Variants in RIC8B observed in about 807,000 individuals in gnomAD.
RIC8B encodes RIC8 guanine nucleotide exchange factor B, also known as chaperone Ric-8B.
Under a neutral mutation model 57.5 loss-of-function variants are expected in RIC8B, and 16 were observed. That is an observed-to-expected ratio of 0.28 (90% CI 0.19 to 0.42). The LOEUF is 0.42. Ranked by LOEUF, RIC8B falls within the 10% of genes least tolerant of loss-of-function variation. The pLI is 1.00. For synonymous variants in RIC8B, 216 were observed against 250.8 expected (o/e 0.86, Z 1.31); for missense variants, 481 against 677.0 (o/e 0.71, Z 3.21).
chr12:106,885,925 G>A lies in RIC8B; in HGVS notation c.1593G>A (p.Met531Ile). 2 of 1,613,238 alleles carry A rather than the reference G, an allele frequency of 1.2e-6. No individual in the cohort carries two copies. The highest frequency in any genetic ancestry group is 1.7e-6 in the Non-Finnish European group (2 of 1,179,566). ...KLSREELLKP[M>I]GLKPDGTITP... ...CTAGAGAGGAGTTGCTTAAACCAAT[G>A]GGACTAAAACCTGATGGGACAATAA... The change falls in exon 10 of 10, where the codon ATG (methionine) becomes ATA (isoleucine). Residue 531 changes from methionine (M) to isoleucine (I), a missense_variant. Physicochemically the swap from Met to Ile is conservative, Grantham distance 10. This residue lies in a region of RIC8B where 43 missense variants were observed against 99.8 expected (regional missense o/e 0.43). Coordinates refer to ENST00000392837, the MANE Select transcript of RIC8B (RefSeq NM_001330145.2).
At position 106,870,390 on chromosome 12, in the gene RIC8B, CCTCT is replaced by C. The variant is rs533054673; in HGVS notation, c.1452-430_1452-427del. 1.9e-3 allele frequency among the ~76,000 whole-genome samples: 294 copies of C among 152,162 alleles called. 1 individual carries two copies. Among genetic ancestry groups the C allele is most frequent in the African/African-American group, 6.4e-3 (266 of 41,494 alleles). ...GCATGCTTTCATTTCCAGATTGTAG[CCTCT>C]CTGTCATCATTTTTCCAATTTTTTT... On this transcript the variant is annotated intron_variant, in intron 8 of 9. Transcript: ENST00000392837.
rs1430808631 is a variant in RIC8B, at chr12:106,867,359, G to T, written c.1452-3464G>T. The stretch of plus-strand genomic sequence containing the variant: ...CACCTAATTGGAAGTCACAAGATTG[G>T]AGTGCTACAAAATGGGACAGAGGAG... On this transcript the variant is annotated intron_variant, in intron 8 of 9. Coordinates refer to ENST00000392837, the MANE Select transcript of RIC8B (RefSeq NM_001330145.2). This position sits in a 1 kb window ranked among gnomAD's most constrained non-coding sequence, Gnocchi z 4.3. 6.6e-6 allele frequency among the ~76,000 whole-genome samples: 1 copy of T among 152,174 alleles called. No homozygotes were observed. The highest frequency in any genetic ancestry group is 1.5e-5 in the Non-Finnish European group (1 of 68,034).
intron 9 of RIC8B, among the ~76,000 whole-genome samples, chr12:106,884,372 A>G (rs1566190304): frequency 1.3e-5 from 2 of 152,188 alleles, no homozygotes; most frequent in African/African-American, 4.8e-5. Context: ...TGCTCCTCCA[A>G]TGCAGTTAGG....
At position 106,815,046 on chromosome 12, in the gene RIC8B, G is replaced by A. The variant is rs1456817339; in HGVS notation, c.483G>A (p.Lys161=). ...ACCGGAAATTTATCAATGACATTAA[G>A]TGCTTTGACTTGCGCTTGCTCTTCC... ...CKDRKFINDI[K]CFDLRLLFLL... is the part of the protein sequence containing the mutation. Residue 161 remains lysine (K), a synonymous_variant, in exon 3 of 10, where the codon AAG becomes AAA. Coordinates refer to ENST00000392837, the MANE Select transcript of RIC8B (RefSeq NM_001330145.2). The A allele has an allele frequency of 1.9e-6, 3 of 1,614,102 alleles. No individual in the cohort carries two copies. Among genetic ancestry groups the A allele is most frequent in the Non-Finnish European group, 8.5e-7 (1 of 1,180,054 alleles).
rs181573070 is a variant in RIC8B at position 106,867,240 on chromosome 12, T to G, written c.1452-3583T>G. On this transcript the variant is annotated intron_variant, in intron 8 of 9. Transcript: ENST00000392837. This position sits in a 1 kb window ranked among gnomAD's most constrained non-coding sequence, Gnocchi z 4.3. ...CCTTTTTAGTGTGTCTTAATCCTTT[T>G]GTCTCCAGGCCCATAGCTGTTGTCA... 6.6e-6 allele frequency among the ~76,000 whole-genome samples: 1 copy of G among 152,224 alleles called. No homozygotes were observed. The highest frequency in any genetic ancestry group is 2.4e-5 in the African/African-American group (1 of 41,456).
chr12:106,780,384 G>A (rs769000914), intron 1 of RIC8B, among the ~76,000 whole-genome samples: 1 of 152,198 alleles, frequency 6.6e-6, no homozygotes, highest in Non-Finnish European at 1.5e-5. Context: ...CCTCTTAGGA[G>A]AAGAAAACAA....
intron 2 of RIC8B, among the ~76,000 whole-genome samples, chr12:106,809,292 G>A (rs2045216751): frequency 6.6e-6 from 1 of 152,148 alleles, no homozygotes; most frequent in Non-Finnish European, 1.5e-5. Context: ...GGGAGGCCGA[G>A]GTGGGAGGAT....
chr12:106,806,739 G>A (rs2045047114), intron 2 of RIC8B, among the ~76,000 whole-genome samples: 1 of 152,008 alleles, frequency 6.6e-6, no homozygotes, highest in South Asian at 2.1e-4. Flanking sequence ...CTGAGACAGG[G>A]GAATTGCTTG....
In RIC8B at chr12:106,851,541, T is replaced by C. The variant is rs776706419; in HGVS notation, c.1253T>C (p.Leu418Pro). The C allele has an allele frequency of 5.6e-6, 9 of 1,613,352 alleles. No individual in the cohort carries two copies. The highest frequency in any genetic ancestry group is 7.6e-6 in the Non-Finnish European group (9 of 1,179,900). ...GTGCGCCTCATGACACATGTTGACCTTGGAGTCAAGCAAATTGCTGCTGAA... is the reference window on the plus strand; with the variant it reads ...GTGCGCCTCATGACACATGTTGACCCTGGAGTCAAGCAAATTGCTGCTGAA... ...KLVRLMTHVD[L>P]GVKQIAAEFL... The change falls in exon 7 of 10, where the codon CTT (leucine) becomes CCT (proline). Residue 418 changes from leucine to proline, a missense_variant. This residue lies in a region of RIC8B where 421 missense variants were observed against 560.9 expected (regional missense o/e 0.75). Transcript: ENST00000392837.
chr12:106,858,663 C>G (rs1198537132), intron 7 of RIC8B, among the ~76,000 whole-genome samples: 1 of 152,024 alleles, frequency 6.6e-6, no homozygotes, highest in Non-Finnish European at 1.5e-5. Context: ...AGAATTATTA[C>G]AGAGAGACCA....
At chr12:106,777,950 C>CCTAA (rs1181510619) in intron 1 of RIC8B, among the ~76,000 whole-genome samples, 1 of 152,054 alleles carries the variant, frequency 6.6e-6, no homozygotes. Context: ...CTTGTGTGAC[C>CCTAA]CTAAACGAGT....
intron 6 of RIC8B, among the ~76,000 whole-genome samples, chr12:106,847,822 G>A (rs1335331899): frequency 1.3e-5 from 2 of 152,120 alleles, no homozygotes; most frequent in Non-Finnish European, 2.9e-5. Context: ...TATAATAGAA[G>A]GCACTTAATA....
intron 7 of RIC8B, among the ~76,000 whole-genome samples, chr12:106,859,757 A>G (rs1424040559): frequency 6.6e-6 from 1 of 152,180 alleles, no homozygotes; most frequent in Non-Finnish European, 1.5e-5. Context: ...ATTTTAAAAA[A>G]GCAGTAAGTT....
chr12:106,857,753 T>C (rs2136503227), intron 7 of RIC8B, among the ~76,000 whole-genome samples: 2 of 152,322 alleles, frequency 1.3e-5, no homozygotes, highest in South Asian at 4.1e-4. Flanking sequence ...TAGGATATTT[T>C]ATGGTGTATT....
At chr12:106,851,332 TTTTTG>T in intron 6 of RIC8B, 113 bp from the exon 7 acceptor site, 13 of 415,324 alleles carry the variant, frequency 3.1e-5, no homozygotes, top group South Asian at 1.5e-4. Context: ...TTTTTTTTTT[TTTTTG>T]CTCCTACAAT....
Position 106,825,782 on chromosome 12 carries a change from C to A in RIC8B, c.798C>A (p.Ile266=), listed in dbSNP as rs766014876. Residue 266 remains isoleucine, a synonymous_variant, in exon 4 of 10, where the codon ATC becomes ATA. Coordinates refer to ENST00000392837, the MANE Select transcript of RIC8B (RefSeq NM_001330145.2). ...CTGTCCTTCGTCATTGTTTACTAAT[C>A]GTAGGTCCAACTGAAGACAAAACAG... The part of the protein sequence containing the change: ...MAAVLRHCLL[I]VGPTEDKTEE... 6.2e-7 allele frequency: 1 copy of A among 1,613,638 alleles called. No individual in the cohort carries two copies. Among genetic ancestry groups the A allele is most frequent in the Non-Finnish European group, 8.5e-7 (1 of 1,179,622 alleles).
chr12:106,869,437 G>T (rs1450748096), intron 8 of RIC8B, among the ~76,000 whole-genome samples: 1 of 151,530 alleles, frequency 6.6e-6, no homozygotes, highest in African/African-American at 2.4e-5. Flanking sequence ...TCTTTGTCTT[G>T]GCCAGTATCT....
intron 4 of RIC8B, among the ~76,000 whole-genome samples, chr12:106,831,179 A>C (rs2046338621): frequency 6.6e-6 from 1 of 152,146 alleles, no homozygotes; most frequent in East Asian, 1.9e-4. Flanking sequence ...TAGATCTGTC[A>C]GCCCACCTTC....
At chr12:106,832,017 C>T (rs150183686) in intron 4 of RIC8B, among the ~76,000 whole-genome samples, 1 of 152,226 alleles carries the variant, frequency 6.6e-6, no homozygotes, top group African/African-American at 2.4e-5. Context: ...TTATTAGGGC[C>T]TTTACACTTG....
Sources: allele counts gnomAD v4.1 joint callset (sites outside exome capture counted in the v4.1 genomes callset), GRCh38; gene constraint gnomAD v4.1.1; regional missense constraint gnomAD v4.1.1; non-coding constraint Gnocchi (gnomAD v3.1); transcripts MANE v1.5; gene names NCBI Gene and HGNC (gene_info 2026-07-23, HGNC 2026-07-21).